The following PIGL variants were observed in gnomAD, a reference collection of about 807,000 sequenced individuals.
The protein encoded by PIGL is N-acetylglucosaminyl-phosphatidylinositol de-N-acetylase.
Under a neutral mutation model 31.1 loss-of-function variants are expected in PIGL, and 22 were observed. That is an observed-to-expected ratio of 0.71 (90% CI 0.51 to 1.01). The LOEUF (loss-of-function observed/expected upper bound fraction) is 1.01. Among genes scored for constraint, PIGL ranks in the 50% least tolerant of loss-of-function variants. The pLI is 0.00. For synonymous variants in PIGL, 131 were observed against 117.4 expected, an observed-to-expected ratio of 1.12 and a Z score of -0.75; for missense variants, 302 against 315.9, an observed-to-expected ratio of 0.96 and a Z score of 0.33.
rs76664581 is a variant in PIGL, at chr17:16,251,292, G to A, written c.335+17222G>A. ...AATAAAACTAACCTGGTATGGTGGC[G>A]TGTGCCTGTGGTCCCAGCTCCTTGG... On this transcript the variant is annotated intron_variant, in intron 2 of 6. Coordinates refer to ENST00000225609, the MANE Select transcript of PIGL (RefSeq NM_004278.4). Among the ~76,000 whole-genome samples, 654 of 152,030 alleles carry A rather than the reference G, an allele frequency of 4.3e-3. 2 individuals carry two copies. Among genetic ancestry groups the A allele is most frequent in the African/African-American group, 0.015 (624 of 41,476 alleles).
intron 3 of PIGL, among the ~76,000 whole-genome samples, chr17:16,304,667 G>T (rs187373067): frequency 1.3e-5 from 2 of 152,116 alleles, no homozygotes; most frequent in Non-Finnish European, 2.9e-5. Context: ...AGCAGCCTAG[G>T]GGGGTAGTAG....
At chr17:16,318,921 T>C (rs970019001) in intron 6 of PIGL, among the ~76,000 whole-genome samples, 1 of 147,074 alleles carries the variant, frequency 6.8e-6, no homozygotes, top group Non-Finnish European at 1.5e-5. Flanking sequence ...ACAGAGAGGA[T>C]TCTGTCTCAA....
chr17:16,291,056 A>G (rs2092958089), intron 2 of PIGL, among the ~76,000 whole-genome samples: 1 of 152,206 alleles, frequency 6.6e-6, no homozygotes. Context: ...TTTGAATTAC[A>G]TACAAGTAAT....
intron 1 of PIGL, among the ~76,000 whole-genome samples, chr17:16,233,477 A>G (rs2092687164): frequency 6.6e-6 from 1 of 152,138 alleles, no homozygotes; most frequent in African/African-American, 2.4e-5. Flanking sequence ...CCTAAATGGT[A>G]TCTACACATT....
intron 1 of PIGL, chr17:16,217,673 C>A: frequency 1.8e-6 from 1 of 557,142 alleles, no homozygotes; most frequent in Non-Finnish European, 3.2e-6. Flanking sequence ...ACTACGCCAG[C>A]AGGATTGAGG....
At chr17:16,325,440 G>T (rs772456286) in intron 6 of PIGL, among the ~76,000 whole-genome samples, 1 of 151,410 alleles carries the variant, frequency 6.6e-6, no homozygotes. Context: ...TGAGACTGAC[G>T]AGTTTCCTCA....
intron 1 of PIGL, among the ~76,000 whole-genome samples, chr17:16,219,192 G>A (rs930201237): frequency 1.3e-5 from 2 of 150,824 alleles, no homozygotes; most frequent in African/African-American, 2.4e-5. Flanking sequence ...GACTACAGGC[G>A]CCCGCCCGCC....
At chr17:16,275,984 A>G (rs2092893523) in intron 2 of PIGL, among the ~76,000 whole-genome samples, 1 of 152,268 alleles carries the variant, frequency 6.6e-6, no homozygotes, top group Non-Finnish European at 1.5e-5. Flanking sequence ...AGATCAGGCC[A>G]CTGCACTCCA....
chr17:16,265,011 C>T (rs2092836392), intron 2 of PIGL, among the ~76,000 whole-genome samples: 1 of 152,166 alleles, frequency 6.6e-6, no homozygotes, highest in Non-Finnish European at 1.5e-5. Flanking sequence ...TAATGTTTCA[C>T]ATCAATTTAT....
intron 3 of PIGL, among the ~76,000 whole-genome samples, chr17:16,311,899 T>TCCCCACCTTTC (rs1352452559): frequency 2.0e-5 from 3 of 152,188 alleles, no homozygotes; most frequent in African/African-American, 7.2e-5. Flanking sequence ...CTCTATCTTT[T>TCCCCACCTTTC]CCCCACCTTT....
At chr17:16,252,066 C>CTTTTTTTTTTT (rs66540057) in intron 2 of PIGL, among the ~76,000 whole-genome samples, 11 of 123,810 alleles carry the variant, frequency 8.9e-5, no homozygotes, top group African/African-American at 3.4e-4. Context: ...TTTTTTTTTC[C>CTTTTTTTTTTT]TTTTTTTTTT....
At position 16,322,081 on chromosome 17, in the gene PIGL, C is replaced by A. The variant is rs144965327; in HGVS notation, c.661-3719C>A. Among the ~76,000 whole-genome samples, 39 of 151,954 alleles carry A rather than the reference C, an allele frequency of 2.6e-4. No homozygotes were observed. In the East Asian group the frequency reaches 5.0e-3, roughly 20 times the overall value. ...TACAGGTGTGAGCCATCGCACCCAG[C>A]CTATTTATTTATTATTTATTTTTAT... On this transcript the variant is annotated intron_variant, in intron 6 of 6. Coordinates refer to ENST00000225609, the MANE Select transcript of PIGL (RefSeq NM_004278.4).
chr17:16,256,241 A>G (rs1158600002), intron 2 of PIGL, among the ~76,000 whole-genome samples: 1 of 152,242 alleles, frequency 6.6e-6, no homozygotes, highest in Non-Finnish European at 1.5e-5. Context: ...TTTTATAGCC[A>G]TGGTCTAGAA....
intron 2 of PIGL, among the ~76,000 whole-genome samples, chr17:16,255,834 G>T (rs918901217): frequency 2.0e-5 from 3 of 152,206 alleles, no homozygotes; most frequent in Non-Finnish European, 4.4e-5. Context: ...CAGGGCTCTG[G>T]TTCTCCCAAA....
chr17:16,297,388 G>A (rs1247345570), intron 2 of PIGL, among the ~76,000 whole-genome samples: 1 of 152,200 alleles, frequency 6.6e-6, no homozygotes, highest in African/African-American at 2.4e-5. Context: ...TTATCTTTCA[G>A]CACCTTAGCA....
chr17:16,264,447 A>G (rs1357191573), intron 2 of PIGL, among the ~76,000 whole-genome samples: 1 of 151,810 alleles, frequency 6.6e-6, no homozygotes, highest in African/African-American at 2.4e-5. Flanking sequence ...CACATGGCCT[A>G]TATAAATTGA....
At chr17:16,274,746 G>A (rs908424728) in intron 2 of PIGL, among the ~76,000 whole-genome samples, 1 of 149,378 alleles carries the variant, frequency 6.7e-6, no homozygotes, top group Non-Finnish European at 1.5e-5. Flanking sequence ...AAAGTAAAGG[G>A]ATAGGCCGGG....
chr17:16,258,473 TG>T (rs2092806390), intron 2 of PIGL, among the ~76,000 whole-genome samples: 1 of 150,898 alleles, frequency 6.6e-6, no homozygotes, highest in South Asian at 2.1e-4. Flanking sequence ...CCACCTCACC[TG>T]GCCTCTTTTA....
chr17:16,221,450 C>CT (rs36044246), intron 1 of PIGL, among the ~76,000 whole-genome samples: 294 of 128,246 alleles, frequency 2.3e-3, no homozygotes, highest in African/African-American at 4.6e-3. Flanking sequence ...GCACACCCAA[C>CT]TTTTTTTTTT....
Sources: allele counts gnomAD v4.1 joint callset (sites outside exome capture counted in the v4.1 genomes callset), GRCh38; gene constraint gnomAD v4.1.1; transcripts MANE v1.5; gene names NCBI Gene and HGNC (gene_info 2026-07-23, HGNC 2026-07-21).